SATB2: variants seen among roughly 807,000 people sequenced by gnomAD.
The protein encoded by SATB2 is DNA-binding protein SATB2.
A neutral mutation model predicts 73.4 loss-of-function variants in SATB2; 1 was observed. The ratio of observed to expected loss-of-function variants is 0.01; its 90% CI spans 0.00 to 0.06. The LOEUF (loss-of-function observed/expected upper bound fraction) is 0.06. Ranked by LOEUF, SATB2 falls within the 10% of genes least tolerant of loss-of-function variation. The pLI, the probability that SATB2 is intolerant of heterozygous loss-of-function variation, is 1.00. For missense variants in SATB2, 459 were observed against 945.8 expected, an observed-to-expected ratio of 0.49 and a Z score of 6.75; for synonymous variants, 397 against 367.0, an observed-to-expected ratio of 1.08 and a Z score of -0.93.
intron 6 of SATB2, among the ~76,000 whole-genome samples, chr2:199,364,076 G>A (rs1349938660): frequency 6.6e-6 from 1 of 152,166 alleles, no homozygotes; most frequent in African/African-American, 2.4e-5. Context: ...CTAAGCAAGG[G>A]CTGCCTTATG....
At chr2:199,346,456 C>T (rs1453930160) in intron 7 of SATB2, among the ~76,000 whole-genome samples, 1 of 152,096 alleles carries the variant, frequency 6.6e-6, no homozygotes, top group African/African-American at 2.4e-5. Context: ...CACAAAAACT[C>T]ATTTTTCAAT....
chr2:199,379,956 T>G (rs939406418), intron 5 of SATB2, among the ~76,000 whole-genome samples: 11 of 152,112 alleles, frequency 7.2e-5, no homozygotes, highest in African/African-American at 2.7e-4. Context: ...TGATCTTGGC[T>G]GACTGCAATC....
intron 10 of SATB2, among the ~76,000 whole-genome samples, chr2:199,273,476 T>C (rs1317408066): frequency 2.0e-5 from 3 of 152,228 alleles, no homozygotes; most frequent in Non-Finnish European, 4.4e-5. Context: ...GAGGAATAAT[T>C]GGTACTTAAG....
chr2:199,278,305 C>T (rs1411072908), intron 10 of SATB2, among the ~76,000 whole-genome samples: 1 of 152,190 alleles, frequency 6.6e-6, no homozygotes, highest in African/African-American at 2.4e-5. Context: ...AGAGCTGTGC[C>T]GCCCAATACA....
At chr2:199,326,463 T>C (rs1298335062) in intron 8 of SATB2, among the ~76,000 whole-genome samples, 1 of 152,150 alleles carries the variant, frequency 6.6e-6, no homozygotes, top group East Asian at 1.9e-4. Context: ...TGGGGCCTTG[T>C]AAGTCAGTCT....
intron 2 of SATB2, among the ~76,000 whole-genome samples, chr2:199,449,984 C>T (rs1049071664): frequency 2.6e-5 from 4 of 152,046 alleles, no homozygotes; most frequent in Admixed American, 2.0e-4. Context: ...GTCTCCTACT[C>T]GAAACCATTT....
intron 3 of SATB2, among the ~76,000 whole-genome samples, chr2:199,425,917 A>G (rs1443631717): frequency 1.3e-5 from 2 of 152,204 alleles, no homozygotes; most frequent in Non-Finnish European, 2.9e-5. Flanking sequence ...AATTTTATAT[A>G]GCAGAGGAGG....
intron 6 of SATB2, 132 bp downstream of exon 6, chr2:199,368,473 A>C: frequency 1.5e-6 from 1 of 668,922 alleles, no homozygotes; most frequent in Non-Finnish European, 2.7e-6. Flanking sequence ...TCATGACAGG[A>C]ATATTAAAGA....
chr2:199,379,826 C>G (rs1004295507), intron 5 of SATB2, among the ~76,000 whole-genome samples: 4 of 150,766 alleles, frequency 2.7e-5, no homozygotes, highest in Non-Finnish European at 4.4e-5. Flanking sequence ...CCATGCCTGG[C>G]CCGTATACGT....
intron 6 of SATB2, among the ~76,000 whole-genome samples, chr2:199,356,905 C>T (rs1281242467): frequency 6.6e-6 from 1 of 152,162 alleles, no homozygotes; most frequent in Non-Finnish European, 1.5e-5. Flanking sequence ...ACATCATTAT[C>T]GTTTAACTCT....
chr2:199,425,256 T>C (rs1287275649), intron 3 of SATB2, among the ~76,000 whole-genome samples: 1 of 152,236 alleles, frequency 6.6e-6, no homozygotes, highest in Non-Finnish European at 1.5e-5. Flanking sequence ...CTGGATCATT[T>C]TACGTGAATG....
Position 199,324,908 on chromosome 2 carries a change from G to A in SATB2, c.1387-950C>T, listed in dbSNP as rs565274559. ...GGCCTAACCTGGGTTTTTTCTCTTT[G>A]TCCCCATTCACCCTAGAATCTCAAA... On this transcript the variant is annotated intron_variant, in intron 8 of 10. Transcript: ENST00000417098. Among the ~76,000 whole-genome samples, 243 of 152,114 alleles carry A rather than the reference G, an allele frequency of 1.6e-3. 1 individual carries two copies. Among genetic ancestry groups the A allele is most frequent in the African/African-American group, 5.5e-3 (227 of 41,494 alleles).
intron 9 of SATB2, among the ~76,000 whole-genome samples, chr2:199,309,332 TAAAC>T (rs889360088): frequency 7.2e-5 from 11 of 152,330 alleles, no homozygotes; most frequent in African/African-American, 2.6e-4. Flanking sequence ...AGAGTGAAGA[TAAAC>T]AAATATGCAT....
At position 199,272,769 on chromosome 2, in the gene SATB2, G is replaced by A; in HGVS notation, c.1741-97C>T. On this transcript the variant is annotated intron_variant, in intron 10 of 10. Coordinates refer to ENST00000417098, the MANE Select transcript of SATB2 (RefSeq NM_001172509.2). This position sits in a 1 kb window ranked among gnomAD's most constrained non-coding sequence, Gnocchi z 6.7. ...AAATATGTGTTATCTATCTAGCACT[G>A]GAGGTAAGCTATAGTCATTTGTAAA... 8.9e-7 allele frequency: 1 copy of A among 1,124,030 alleles called. No homozygotes were observed. The highest frequency in any genetic ancestry group is 1.4e-6 in the Non-Finnish European group (1 of 740,292). The allele number at this position is 1,124,030 out of a possible 1,614,324, so 69.6% of individuals were successfully genotyped here. A position where few individuals can be genotyped will look rare whatever the true frequency, so the allele number is the denominator to read the frequency against.
chr2:199,362,744 G>C (rs1416953522), intron 6 of SATB2, among the ~76,000 whole-genome samples: 1 of 152,174 alleles, frequency 6.6e-6, no homozygotes, highest in Non-Finnish European at 1.5e-5. Context: ...GACAAGATAT[G>C]TGTTATATTA....
intron 8 of SATB2, among the ~76,000 whole-genome samples, chr2:199,327,433 T>G (rs1688060388): frequency 6.6e-6 from 1 of 152,160 alleles, no homozygotes; most frequent in Non-Finnish European, 1.5e-5. Context: ...AAAGTGAGAC[T>G]CCTTCTCAAA....
chr2:199,384,248 C>T (rs1276856601), intron 3 of SATB2, among the ~76,000 whole-genome samples: 2 of 152,176 alleles, frequency 1.3e-5, no homozygotes, highest in African/African-American at 2.4e-5. Flanking sequence ...AGTTTGGTTT[C>T]TATATCTTGG....
At chr2:199,324,624 C>T (rs1045796372) in intron 8 of SATB2, among the ~76,000 whole-genome samples, 2 of 152,026 alleles carry the variant, frequency 1.3e-5, no homozygotes, top group African/African-American at 4.8e-5. Flanking sequence ...CTGCAGTGCT[C>T]GTTTTAATTG....
At chr2:199,384,936 A>G (rs184077292) in intron 3 of SATB2, among the ~76,000 whole-genome samples, 218 of 152,328 alleles carry the variant, frequency 1.4e-3, no homozygotes, top group African/African-American at 5.0e-3. Context: ...TTGACTCAAA[A>G]GATTTTTGAT....
Sources: gnomAD v4.1 joint callset for allele counts (sites outside exome capture counted in the v4.1 genomes callset) on GRCh38, gnomAD v4.1.1 for gene constraint, Gnocchi (gnomAD v3.1) non-coding constraint, MANE v1.5 for transcripts, NCBI Gene and HGNC (gene_info 2026-07-23, HGNC 2026-07-21) for gene names.